CCDC12: variants seen among roughly 807,000 people sequenced by gnomAD.
The protein encoded by CCDC12 is coiled-coil domain containing 12.
CCDC12 carries 28 observed loss-of-function variants against 25.7 expected under a neutral mutation model. The observed-to-expected ratio is 1.09, with a 90% CI of 0.81 to 1.50. CCDC12 has a LOEUF of 1.50. Among genes scored for constraint, CCDC12 ranks in the 40% most tolerant of loss-of-function variants. The pLI, the probability that CCDC12 is intolerant of heterozygous loss-of-function variation, is 0.00. For synonymous variants in CCDC12, 75 were observed against 87.7 expected, an observed-to-expected ratio of 0.86 and a Z score of 0.81; for missense variants, 198 against 210.0, an observed-to-expected ratio of 0.94 and a Z score of 0.35.
chr3:46,965,615 C>G (rs897711137), intron 1 of CCDC12, among the ~76,000 whole-genome samples: 4 of 152,340 alleles, frequency 2.6e-5, no homozygotes, highest in Non-Finnish European at 5.9e-5. Flanking sequence ...TGCAGAGCCC[C>G]TCCTTGCAAA....
upstream of CCDC12, chr3:46,977,089 TACTAACCAC>T (rs1429992249): frequency 6.2e-6 from 2 of 321,826 alleles, no homozygotes; most frequent in East Asian, 1.4e-4. Flanking sequence ...TTTGCCCAAG[TACTAACCAC>T]ACTAATCACT....
upstream of CCDC12, chr3:46,979,743 G>A (rs1021006315): frequency 5.3e-5 from 17 of 322,130 alleles, no homozygotes; most frequent in East Asian, 7.8e-4. Context: ...CAGTAGTACC[G>A]CGCCGCTCCG....
intron 2 of CCDC12, among the ~76,000 whole-genome samples, chr3:46,935,519 A>G (rs910962987): frequency 1.5e-4 from 23 of 151,814 alleles, no homozygotes; most frequent in Non-Finnish European, 3.2e-4. Flanking sequence ...AAAAAAAAAA[A>G]GCAGCTAAGC....
At chr3:46,953,832 T>C (rs898369090) in intron 1 of CCDC12, among the ~76,000 whole-genome samples, 2 of 151,976 alleles carry the variant, frequency 1.3e-5, no homozygotes, top group Admixed American at 1.3e-4. Flanking sequence ...AAAATGTCGG[T>C]TAAGAAACTA....
At chr3:46,944,632 T>C (rs1359938248) in intron 1 of CCDC12, among the ~76,000 whole-genome samples, 2 of 151,886 alleles carry the variant, frequency 1.3e-5, no homozygotes, top group African/African-American at 4.8e-5. Flanking sequence ...ACCACCTCCT[T>C]AGCTCCCCAC....
rs368504304 is a variant in CCDC12, at chr3:46,941,037, T to C, written c.125A>G (p.Lys42Arg). ...KDKEDGEPKT[K>R]HLREEEEEGE... ...TTCTTCCTCCTCTTCTCTGAGATGC[T>C]TGGTCTTTGGCTCCCCATCTTCCTT... Residue 42 changes from lysine to arginine, a missense_variant, in exon 2 of 7, where the codon AAG becomes AGG. Coordinates refer to ENST00000683445, the MANE Select transcript of CCDC12 (RefSeq NM_001277074.2). The C allele has an allele frequency of 6.6e-5, 107 of 1,614,034 alleles. 1 individual carries two copies. The highest frequency in any genetic ancestry group is 8.8e-5 in the Non-Finnish European group (104 of 1,180,046).
intron 1 of CCDC12, among the ~76,000 whole-genome samples, chr3:46,948,921 C>T: frequency 7.6e-5 from 1 of 13,220 alleles, no homozygotes; most frequent in African/African-American, 8.1e-5. Flanking sequence ...TACTGACTGG[C>T]TCCCCTGTGG....
At chr3:46,963,317 T>A (rs2034518600) in intron 1 of CCDC12, among the ~76,000 whole-genome samples, 1 of 152,220 alleles carries the variant, frequency 6.6e-6, no homozygotes, top group South Asian at 2.1e-4. Context: ...AAAAAGATTT[T>A]TTATGCCACT....
chr3:46,975,756 C>G (rs1483588975), intron 1 of CCDC12, among the ~76,000 whole-genome samples: 1 of 150,968 alleles, frequency 6.6e-6, no homozygotes, highest in Non-Finnish European at 1.5e-5. Flanking sequence ...TGGTCTCGAT[C>G]TCCTAACCTC....
intron 2 of CCDC12, among the ~76,000 whole-genome samples, chr3:46,927,006 C>G (rs1316220708): frequency 6.6e-6 from 1 of 152,202 alleles, no homozygotes; most frequent in Non-Finnish European, 1.5e-5. Context: ...GACTCAGGGG[C>G]TTTCAGATGC....
upstream of CCDC12, among the ~76,000 whole-genome samples, chr3:46,978,906 C>T (rs184289134): frequency 3.3e-3 from 496 of 152,282 alleles, 2 homozygotes; most frequent in Non-Finnish European, 6.0e-3. Context: ...TCACTTGAAC[C>T]CAGGAGGCGG....
intron 1 of CCDC12, among the ~76,000 whole-genome samples, chr3:46,950,309 A>G (rs960487733): frequency 6.2e-5 from 1 of 16,156 alleles, no homozygotes; most frequent in Non-Finnish European, 1.5e-3. Flanking sequence ...ATTGATCTAC[A>G]TTTGCATTTT....
intron 1 of CCDC12, among the ~76,000 whole-genome samples, chr3:46,957,766 A>ACACT (rs1319954582): frequency 2.0e-5 from 3 of 151,880 alleles, no homozygotes; most frequent in African/African-American, 7.3e-5. Context: ...ACATGATGAA[A>ACACT]CACTGTCTCT....
chr3:46,978,191 T>A (rs905803000), upstream of CCDC12, among the ~76,000 whole-genome samples: 9 of 152,302 alleles, frequency 5.9e-5, no homozygotes, highest in South Asian at 6.2e-4. Flanking sequence ...AACCCTCTTG[T>A]CCTCACTAAC....
chr3:46,976,824 G>C, upstream of CCDC12: 1 of 1,533,754 alleles, frequency 6.5e-7, no homozygotes, highest in African/African-American at 1.4e-5. Flanking sequence ...CCAAGGACGA[G>C]AATGAGAGAC....
At chr3:46,966,617 T>C (rs1225130872) in intron 1 of CCDC12, among the ~76,000 whole-genome samples, 1 of 152,078 alleles carries the variant, frequency 6.6e-6, no homozygotes, top group African/African-American at 2.4e-5. Flanking sequence ...GCTGCCAGCA[T>C]CCAAACACCA....
upstream of CCDC12, among the ~76,000 whole-genome samples, chr3:46,980,732 A>C (rs1437308801): frequency 1.3e-5 from 2 of 152,062 alleles, no homozygotes; most frequent in African/African-American, 4.8e-5. Flanking sequence ...TCAGCTGAGA[A>C]CCTGGTATCA....
intron 2 of CCDC12, among the ~76,000 whole-genome samples, chr3:46,932,058 GGA>G (rs1356127067): frequency 6.6e-6 from 1 of 152,084 alleles, no homozygotes; most frequent in Non-Finnish European, 1.5e-5. Flanking sequence ...GAAAATGAGG[GGA>G]GAGGCAACTA....
At chr3:46,925,208 G>A in intron 3 of CCDC12, 2 of 674,684 alleles carry the variant, frequency 3.0e-6, no homozygotes, top group Non-Finnish European at 5.4e-6. Flanking sequence ...CAGATCCCTG[G>A]GAGGCCTCGG....
Sources: allele counts gnomAD v4.1 joint callset (sites outside exome capture counted in the v4.1 genomes callset), GRCh38; gene constraint gnomAD v4.1.1; transcripts MANE v1.5; gene names NCBI Gene and HGNC (gene_info 2026-07-23, HGNC 2026-07-21).